Variants in STARD13 observed in about 807,000 individuals in gnomAD.
STARD13 encodes stAR-related lipid transfer protein 13.
Under a neutral mutation model 106.4 loss-of-function variants are expected in STARD13, and 62 were observed. That is an observed-to-expected ratio of 0.58 (90% CI 0.48 to 0.72). STARD13 has a LOEUF of 0.72. STARD13 is among the 30% of genes least tolerant of loss of function. The pLI is 0.00. For missense variants in STARD13, 1,387 were observed against 1,424.0 expected, an observed-to-expected ratio of 0.97 and a Z score of 0.42; for synonymous variants, 565 against 553.0, an observed-to-expected ratio of 1.02 and a Z score of -0.31.
intron 1 of STARD13, among the ~76,000 whole-genome samples, chr13:33,216,689 C>T (rs1005089716): frequency 2.6e-5 from 4 of 152,186 alleles, no homozygotes; most frequent in Admixed American, 6.6e-5. Flanking sequence ...AACCAAACAC[C>T]GCCTATTCTC....
downstream of STARD13, among the ~76,000 whole-genome samples, chr13:33,346,207 A>G (rs368736760): frequency 3.4e-4 from 52 of 152,330 alleles, no homozygotes; most frequent in African/African-American, 1.3e-3. Flanking sequence ...CGAGCTTGGA[A>G]GCAGATCCAT....
chr13:33,220,426 C>T (rs1400656242), intron 1 of STARD13, among the ~76,000 whole-genome samples: 1 of 152,186 alleles, frequency 6.6e-6, no homozygotes, highest in Non-Finnish European at 1.5e-5. Context: ...GGCGTGGTGG[C>T]TCACGCCTGT....
At chr13:33,395,903 G>A in the STARD13 span, among the ~76,000 whole-genome samples, 139 of 152,284 alleles carry the variant, frequency 9.1e-4, no homozygotes, top group African/African-American at 2.8e-3. Flanking sequence ...GTGTAATGGT[G>A]CCATCATGGT....
intron 1 of STARD13, among the ~76,000 whole-genome samples, chr13:33,302,506 C>G (rs553249446): frequency 6.6e-6 from 1 of 152,128 alleles, no homozygotes; most frequent in African/African-American, 2.4e-5. Context: ...GCCTTGACCT[C>G]CCTGGGCCCA....
intron 3 of STARD13, among the ~76,000 whole-genome samples, chr13:33,159,158 T>G (rs1038460482): frequency 1.3e-5 from 2 of 152,190 alleles, no homozygotes; most frequent in Non-Finnish European, 2.9e-5. Context: ...GATGTGGTAA[T>G]GCCTTTGGGG....
At chr13:33,170,531 A>G (rs1883837445) in intron 1 of STARD13, among the ~76,000 whole-genome samples, 1 of 152,222 alleles carries the variant, frequency 6.6e-6, no homozygotes, top group Admixed American at 6.5e-5. Context: ...TAAATCAATC[A>G]TTCAAATAAG....
intron 1 of STARD13, among the ~76,000 whole-genome samples, chr13:33,243,511 T>G (rs1889653797): frequency 6.6e-6 from 1 of 152,190 alleles, no homozygotes; most frequent in Non-Finnish European, 1.5e-5. Flanking sequence ...ATTTTAATCC[T>G]ATGGGTCATA....
At chr13:33,357,184 T>A in the STARD13 span, among the ~76,000 whole-genome samples, 1 of 152,258 alleles carries the variant, frequency 6.6e-6, no homozygotes, top group African/African-American at 2.4e-5. Context: ...GTGGCCCTAG[T>A]TGTGCTCCAA....
rs57854615 is a variant in STARD13, at chr13:33,142,787, G to C, written c.324-414C>G. 2.4e-3 allele frequency among the ~76,000 whole-genome samples: 366 copies of C among 152,278 alleles called. 13 individuals carry two copies. The East Asian group carries it at 0.063, about 26-fold the overall frequency. ...CGTGTATCTTCTCTCCTGATCTCAG[G>C]TGGTTGGGTATAGGTAGAAAATAAC... On this transcript the variant is annotated intron_variant, in intron 3 of 13. Coordinates refer to ENST00000336934, the MANE Select transcript of STARD13 (RefSeq NM_178006.4).
chr13:33,487,120 T>C, the STARD13 span, among the ~76,000 whole-genome samples: 2 of 152,180 alleles, frequency 1.3e-5, no homozygotes, highest in African/African-American at 4.8e-5. Flanking sequence ...CTTGGTTTCT[T>C]CATCTAGAAA....
At chr13:33,339,739 C>T (rs1036377702) in intron 1 of STARD13, among the ~76,000 whole-genome samples, 4 of 152,004 alleles carry the variant, frequency 2.6e-5, no homozygotes, top group Admixed American at 6.6e-5. Context: ...TTCATTGTAA[C>T]AATAAGTTCT....
At chr13:33,141,021 T>G (rs7489802) in intron 4 of STARD13, among the ~76,000 whole-genome samples, 149,119 of 152,288 alleles carry the variant, frequency 0.98, 73,030 homozygotes, top group East Asian at 1. Flanking sequence ...GGCTCCCAAA[T>G]TGCTGGGATT....
intron 1 of STARD13, among the ~76,000 whole-genome samples, chr13:33,221,201 T>C (rs1377252883): frequency 1.3e-5 from 2 of 152,216 alleles, no homozygotes; most frequent in Non-Finnish European, 2.9e-5. Flanking sequence ...CTTTTTCATC[T>C]TGCAAAACTG....
the STARD13 span, among the ~76,000 whole-genome samples, chr13:33,462,501 A>G: frequency 6.6e-6 from 1 of 152,178 alleles, no homozygotes; most frequent in Non-Finnish European, 1.5e-5. Context: ...GTCAAGCCCC[A>G]TGATAGGCCG....
At chr13:33,385,676 G>A in the STARD13 span, among the ~76,000 whole-genome samples, 4 of 151,068 alleles carry the variant, frequency 2.6e-5, no homozygotes, top group Non-Finnish European at 5.9e-5. Context: ...CCTTGCCAAC[G>A]TGGTGAAACC....
the STARD13 span, among the ~76,000 whole-genome samples, chr13:33,432,867 C>A: frequency 6.6e-6 from 1 of 152,058 alleles, no homozygotes; most frequent in African/African-American, 2.4e-5. Flanking sequence ...AAGATGTGGG[C>A]ATACTATAGA....
the STARD13 span, among the ~76,000 whole-genome samples, chr13:33,625,720 T>G: frequency 6.6e-6 from 1 of 151,914 alleles, no homozygotes; most frequent in South Asian, 2.1e-4. Context: ...CTTTTTTTTT[T>G]GAGACGGAGT....
At chr13:33,151,762 G>A (rs1256624474) in intron 3 of STARD13, among the ~76,000 whole-genome samples, 1 of 152,192 alleles carries the variant, frequency 6.6e-6, no homozygotes, top group Non-Finnish European at 1.5e-5. Flanking sequence ...ACTGGCAGCA[G>A]GATAGAGAAG....
rs183090836 is a variant in STARD13, at chr13:33,146,008, G to C, written c.324-3635C>G. On this transcript the variant is annotated intron_variant, in intron 3 of 13. Coordinates refer to ENST00000336934, the MANE Select transcript of STARD13 (RefSeq NM_178006.4). ...GAGACCAGCCTGGGCAACATGGAGA[G>C]GCCCTGTCGCTACAAAAAAAATATA... Among the ~76,000 whole-genome samples the C allele has an allele frequency of 1.8e-3, 267 of 152,066 alleles. 4 individuals are homozygous for C. The South Asian group carries it at 0.019, about 11-fold the overall frequency.
Sources: allele counts gnomAD v4.1 joint callset (sites outside exome capture counted in the v4.1 genomes callset), GRCh38; gene constraint gnomAD v4.1.1; transcripts MANE v1.5; gene names NCBI Gene and HGNC (gene_info 2026-07-23, HGNC 2026-07-21).